The following LTBP1 variants were observed in gnomAD, a reference collection of about 807,000 sequenced individuals.
The protein encoded by LTBP1 is latent transforming growth factor beta binding protein 1.
A neutral mutation model predicts 207.6 loss-of-function variants in LTBP1; 129 were observed. The observed-to-expected ratio is 0.62, with a 90% CI of 0.54 to 0.72. The LOEUF (loss-of-function observed/expected upper bound fraction) is 0.72. LTBP1 is among the 30% of genes least tolerant of loss of function. The pLI is 0.00. For synonymous variants in LTBP1, 963 were observed against 833.7 expected (o/e 1.16, Z -2.67); for missense variants, 2,281 against 2,217.2 (o/e 1.03, Z -0.58).
At chr2:32,986,647 A>G (rs1428849287) in intron 2 of LTBP1, among the ~76,000 whole-genome samples, 1 of 152,162 alleles carries the variant, frequency 6.6e-6, no homozygotes, top group Non-Finnish European at 1.5e-5. Flanking sequence ...CCTTCTAAGC[A>G]CAGCACCTGT....
At chr2:33,380,424 CAAAA>C (rs35730871) in intron 31 of LTBP1, among the ~76,000 whole-genome samples, 2 of 125,664 alleles carry the variant, frequency 1.6e-5, no homozygotes, top group Non-Finnish European at 3.4e-5. Flanking sequence ...TAAAAAAATA[CAAAA>C]AAAAAAAAAA....
intron 9 of LTBP1, among the ~76,000 whole-genome samples, chr2:33,223,882 C>T (rs560310515): frequency 5.3e-5 from 8 of 152,270 alleles, no homozygotes; most frequent in East Asian, 1.9e-4. Context: ...CCTATAAACA[C>T]GCCTTAAAAT....
intron 13 of LTBP1, 40 bp from the exon 14 acceptor site, chr2:33,262,681 CT>C (rs199830072): frequency 0.097 from 92,937 of 961,836 alleles, 4,860 homozygotes; most frequent in African/African-American, 0.25. Flanking sequence ...ACTTTCAATT[CT>C]TTTTTTTTTC....
At chr2:33,368,738 G>A (rs1036705151) in intron 31 of LTBP1, among the ~76,000 whole-genome samples, 1 of 152,168 alleles carries the variant, frequency 6.6e-6, no homozygotes, top group African/African-American at 2.4e-5. Flanking sequence ...TTAGCTGAGC[G>A]TGGTGGTACA....
At chr2:33,139,206 C>T (rs982271893) in intron 5 of LTBP1, among the ~76,000 whole-genome samples, 3 of 151,998 alleles carry the variant, frequency 2.0e-5, no homozygotes, top group African/African-American at 4.8e-5. Context: ...ACTGCCTCTT[C>T]GGCATATGGT....
chr2:33,148,751 A>C (rs2083257486), intron 5 of LTBP1, among the ~76,000 whole-genome samples: 1 of 152,222 alleles, frequency 6.6e-6, no homozygotes, highest in South Asian at 2.1e-4. Context: ...AGTGAGGTGG[A>C]AAAACTGTTT....
intron 9 of LTBP1, among the ~76,000 whole-genome samples, chr2:33,236,235 T>G (rs560643932): frequency 5.3e-5 from 8 of 152,328 alleles, no homozygotes; most frequent in South Asian, 2.1e-4. Flanking sequence ...CATAATTTTC[T>G]ATTGTATTTT....
At chr2:33,259,740 A>G (rs764775409) in intron 13 of LTBP1, 130 bp downstream of exon 13, 26 of 777,794 alleles carry the variant, frequency 3.3e-5, no homozygotes, top group Non-Finnish European at 4.6e-5. Context: ...TTGAGTTAAT[A>G]TAGCATTCAG....
intron 4 of LTBP1, among the ~76,000 whole-genome samples, chr2:33,123,447 C>G (rs1335491480): frequency 6.6e-6 from 1 of 151,610 alleles, no homozygotes; most frequent in Non-Finnish European, 1.5e-5. Context: ...TGTGTAAGTA[C>G]ATAGCAGGCA....
intron 5 of LTBP1, among the ~76,000 whole-genome samples, chr2:33,175,872 G>A (rs948869080): frequency 3.5e-5 from 5 of 143,138 alleles, no homozygotes; most frequent in Admixed American, 7.2e-5. Flanking sequence ...GGATGAAATT[G>A]GAAATCATCA....
chr2:32,983,208 A>G (rs1270674521), intron 2 of LTBP1, among the ~76,000 whole-genome samples: 1 of 152,194 alleles, frequency 6.6e-6, no homozygotes, highest in Non-Finnish European at 1.5e-5. Flanking sequence ...TGGAACTTCA[A>G]GGTTTAAAGA....
intron 5 of LTBP1, among the ~76,000 whole-genome samples, chr2:33,179,848 A>T (rs932346363): frequency 9.9e-5 from 15 of 152,052 alleles, no homozygotes; most frequent in African/African-American, 3.6e-4. Context: ...TATCATTTAT[A>T]TTCTTTGTGT....
chr2:33,180,376 C>T (rs6736908), intron 5 of LTBP1, among the ~76,000 whole-genome samples: 78,496 of 151,590 alleles, frequency 0.52, 20,542 homozygotes, highest in African/African-American at 0.53. Context: ...TGGAGTCCAG[C>T]CTTTCTTTTT....
chr2:33,058,019 C>CTCTA (rs563230960), intron 3 of LTBP1, among the ~76,000 whole-genome samples: 52 of 152,360 alleles, frequency 3.4e-4, no homozygotes, highest in Middle Eastern at 3.4e-3. Context: ...ATCCTCTGTG[C>CTCTA]TCTACCTCAT....
intron 4 of LTBP1, among the ~76,000 whole-genome samples, chr2:33,131,445 A>G (rs574250712): frequency 6.6e-6 from 1 of 152,366 alleles, no homozygotes; most frequent in African/African-American, 2.4e-5. Context: ...ATATGTGGGA[A>G]TGATTTTCAA....
At position 33,001,408 on chromosome 2, in the gene LTBP1, G is replaced by C. The variant is rs1236044006; in HGVS notation, c.566-19501G>C. 1.5e-5 allele frequency among the ~76,000 whole-genome samples: 2 copies of C among 134,860 alleles called. 1 individual carries two copies. Among genetic ancestry groups the C allele is most frequent in the Non-Finnish European group, 3.3e-5 (2 of 61,346 alleles). The allele number at this position is 134,860 out of a possible 152,430, so 88.5% of individuals were successfully genotyped here. On this transcript the variant is annotated intron_variant, in intron 2 of 33. Coordinates refer to ENST00000404816, the MANE Select transcript of LTBP1 (RefSeq NM_206943.4). ...TGGGACGTGAGAACTTGCATTTCTC[G>C]AAAGATTCCAGGTGGGACTGATGCT...
chr2:33,357,787 G>A (rs2094881800), intron 26 of LTBP1, among the ~76,000 whole-genome samples: 1 of 152,122 alleles, frequency 6.6e-6, no homozygotes, highest in Non-Finnish European at 1.5e-5. Flanking sequence ...AGAAGTCTGT[G>A]GCATGAGATA....
intron 15 of LTBP1, among the ~76,000 whole-genome samples, chr2:33,272,481 G>T (rs752362600): frequency 1.4e-4 from 22 of 152,186 alleles, no homozygotes; most frequent in Non-Finnish European, 2.9e-4. Flanking sequence ...TGGTATAAAT[G>T]TGTTGGTTTT....
intron 7 of LTBP1, among the ~76,000 whole-genome samples, chr2:33,194,842 G>T (rs1279713144): frequency 6.6e-6 from 1 of 152,216 alleles, no homozygotes; most frequent in Non-Finnish European, 1.5e-5. Context: ...CAGAGGACAG[G>T]CTGGCTCTCT....
Sources: allele counts gnomAD v4.1 joint callset (sites outside exome capture counted in the v4.1 genomes callset), GRCh38; gene constraint gnomAD v4.1.1; transcripts MANE v1.5; gene names NCBI Gene and HGNC (gene_info 2026-07-23, HGNC 2026-07-21).